The following WDFY2 variants were observed in gnomAD, a reference collection of about 807,000 sequenced individuals.
WDFY2 encodes WD repeat and FYVE domain-containing protein 2.
WDFY2 carries 36 observed loss-of-function variants against 56.4 expected under a neutral mutation model. The ratio of observed to expected loss-of-function variants is 0.64; its 90% CI spans 0.49 to 0.84. WDFY2 has a LOEUF of 0.84. Ranked by LOEUF, WDFY2 falls within the 40% of genes least tolerant of loss-of-function variation. WDFY2 has a pLI of 0.00. For synonymous variants in WDFY2, 176 were observed against 183.7 expected, an observed-to-expected ratio of 0.96 and a Z score of 0.34; for missense variants, 444 against 512.2, an observed-to-expected ratio of 0.87 and a Z score of 1.29.
At chr13:51,756,263 G>A in intron 9 of WDFY2, 69 bp from the exon 10 acceptor site, 1 of 1,548,578 alleles carries the variant, frequency 6.5e-7, no homozygotes, top group East Asian at 2.3e-5. Context: ...CTGCCAGGAG[G>A]GGTGAGATGC....
intron 3 of WDFY2, among the ~76,000 whole-genome samples, chr13:51,684,438 C>A (rs998868241): frequency 2.0e-5 from 3 of 149,520 alleles, no homozygotes; most frequent in Non-Finnish European, 1.5e-5. Context: ...TCTTCTTTCT[C>A]TGTTAGAGCC....
At chr13:51,719,125 A>G in intron 4 of WDFY2, 73 bp from the exon 5 acceptor site, 1 of 1,593,244 alleles carries the variant, frequency 6.3e-7, no homozygotes, top group Non-Finnish European at 8.6e-7. Flanking sequence ...AGAATGGTGC[A>G]TCTCTGTGGG....
chr13:51,727,593 TTTC>T, intron 5 of WDFY2, 82 bp from the exon 6 acceptor site: 2 of 1,315,748 alleles, frequency 1.5e-6, no homozygotes, highest in Non-Finnish European at 1.1e-6. Context: ...GATTTGCGTA[TTTC>T]TTGTTACATT....
intron 4 of WDFY2, among the ~76,000 whole-genome samples, chr13:51,711,126 A>G (rs1952204748): frequency 1.3e-5 from 2 of 152,324 alleles, no homozygotes; most frequent in African/African-American, 2.4e-5. Flanking sequence ...GCCCTCGGAA[A>G]TAATACCACA....
At chr13:51,591,330 A>G (rs1954039716) in intron 1 of WDFY2, 1 of 152,172 alleles carries the variant, frequency 6.6e-6, no homozygotes, top group Non-Finnish European at 1.5e-5. Flanking sequence ...TTATTCCTGG[A>G]TGAAATATTA....
chr13:51,732,015 C>T (rs531887551), intron 6 of WDFY2, among the ~76,000 whole-genome samples: 109 of 152,298 alleles, frequency 7.2e-4, no homozygotes, highest in Admixed American at 1.8e-3. Flanking sequence ...CTTATGCTCC[C>T]TCTACTGGTT....
chr13:51,745,660 A>T (rs892052513), intron 7 of WDFY2, among the ~76,000 whole-genome samples: 1 of 151,204 alleles, frequency 6.6e-6, no homozygotes, highest in African/African-American at 2.4e-5. Flanking sequence ...GCCCATTTCA[A>T]ATCTTTCTCA....
chr13:51,743,386 C>A (rs948050734), intron 7 of WDFY2, among the ~76,000 whole-genome samples: 1 of 152,102 alleles, frequency 6.6e-6, no homozygotes, highest in Non-Finnish European at 1.5e-5. Flanking sequence ...CTTCAGTTTT[C>A]TTATCTCTAA....
intron 1 of WDFY2, among the ~76,000 whole-genome samples, chr13:51,626,725 C>T (rs901685346): frequency 2.6e-5 from 4 of 152,218 alleles, no homozygotes; most frequent in African/African-American, 4.8e-5. Context: ...TTACTAGAGA[C>T]AACCACAATA....
intron 4 of WDFY2, among the ~76,000 whole-genome samples, chr13:51,718,357 C>T (rs535627595): frequency 1.3e-5 from 2 of 152,266 alleles, no homozygotes; most frequent in East Asian, 1.9e-4. Flanking sequence ...CACCTGATTT[C>T]ATTTGGTAAC....
intron 1 of WDFY2, among the ~76,000 whole-genome samples, chr13:51,610,758 G>A (rs1050055842): frequency 1.3e-5 from 2 of 152,144 alleles, no homozygotes; most frequent in Non-Finnish European, 2.9e-5. Context: ...TCTGTATTTT[G>A]TGTGTATTTG....
At chr13:51,681,050 T>C (rs1443347176) in intron 3 of WDFY2, among the ~76,000 whole-genome samples, 1 of 152,226 alleles carries the variant, frequency 6.6e-6, no homozygotes, top group Non-Finnish European at 1.5e-5. Flanking sequence ...GAGTTGTTTA[T>C]TACCGTGGAT....
chr13:51,665,073 A>C (rs999560372), intron 2 of WDFY2, among the ~76,000 whole-genome samples: 1 of 152,162 alleles, frequency 6.6e-6, no homozygotes, highest in Non-Finnish European at 1.5e-5. Flanking sequence ...TTAATGTGGG[A>C]AGCAGGCATA....
chr13:51,617,414 A>C (rs1954638771), intron 1 of WDFY2, among the ~76,000 whole-genome samples: 1 of 151,732 alleles, frequency 6.6e-6, no homozygotes, highest in Non-Finnish European at 1.5e-5. Context: ...ATCTCAGCTC[A>C]CTGCAACCTC....
At chr13:51,675,679 C>T (rs1354750894) in intron 3 of WDFY2, among the ~76,000 whole-genome samples, 1 of 152,082 alleles carries the variant, frequency 6.6e-6, no homozygotes, top group Admixed American at 6.5e-5. Context: ...TTTCTTTGTT[C>T]CTTCTGCTTC....
chr13:51,668,969 A>T (rs546332503), intron 2 of WDFY2, among the ~76,000 whole-genome samples: 1 of 152,216 alleles, frequency 6.6e-6, no homozygotes, highest in Non-Finnish European at 1.5e-5. Context: ...TTTCCTCCCA[A>T]ATCGAAATAT....
At chr13:51,699,003 AC>A (rs1951930119) in intron 3 of WDFY2, among the ~76,000 whole-genome samples, 1 of 152,232 alleles carries the variant, frequency 6.6e-6, no homozygotes, top group Non-Finnish European at 1.5e-5. Context: ...TGCCTGGACC[AC>A]ATCATATATA....
intron 7 of WDFY2, among the ~76,000 whole-genome samples, chr13:51,747,339 A>G (rs1033271890): frequency 1.3e-5 from 2 of 152,228 alleles, no homozygotes; most frequent in African/African-American, 4.8e-5. Context: ...CATATTATAG[A>G]CAATAACGAC....
At chr13:51,758,341 T>C (rs1434180959) in intron 11 of WDFY2, 41 bp downstream of exon 11, 3 of 1,454,218 alleles carry the variant, frequency 2.1e-6, no homozygotes, top group South Asian at 1.2e-5. Flanking sequence ...ATCTTTGGCC[T>C]CATATAAATA....
Sources: gnomAD v4.1 joint callset for allele counts (sites outside exome capture counted in the v4.1 genomes callset) on GRCh38, gnomAD v4.1.1 for gene constraint, MANE v1.5 for transcripts, NCBI Gene and HGNC (gene_info 2026-07-23, HGNC 2026-07-21) for gene names.